SLC1A2: variants seen among roughly 807,000 people sequenced by gnomAD.
The protein encoded by SLC1A2 is excitatory amino acid transporter 2.
Under a neutral mutation model 48.8 loss-of-function variants are expected in SLC1A2, and 15 were observed. That is an observed-to-expected ratio of 0.31 (90% CI 0.21 to 0.47). The LOEUF (loss-of-function observed/expected upper bound fraction) is 0.47, where lower values mean the gene tolerates loss of function less well. Among genes scored for constraint, SLC1A2 ranks in the 20% least tolerant of loss-of-function variants. The pLI is 0.99. For synonymous variants in SLC1A2, 279 were observed against 272.6 expected, an observed-to-expected ratio of 1.02 and a Z score of -0.23; for missense variants, 502 against 730.5, an observed-to-expected ratio of 0.69 and a Z score of 3.61.
At chr11:35,331,231 TTC>T (rs374747758) in intron 1 of SLC1A2, among the ~76,000 whole-genome samples, 2 of 152,188 alleles carry the variant, frequency 1.3e-5, no homozygotes, top group African/African-American at 4.8e-5. Context: ...AGTAACATCT[TTC>T]TCTCTTTAGC....
chr11:35,281,060 C>T (rs1474052401), intron 8 of SLC1A2, 59 bp from the exon 9 acceptor site: 2 of 1,475,208 alleles, frequency 1.4e-6, no homozygotes, highest in Non-Finnish European at 1.8e-6. Flanking sequence ...AAAACCAACC[C>T]TGGCAATTTT....
At chr11:35,313,951 C>T (rs1851788011) in intron 3 of SLC1A2, among the ~76,000 whole-genome samples, 1 of 152,174 alleles carries the variant, frequency 6.6e-6, no homozygotes, top group African/African-American at 2.4e-5. Flanking sequence ...AACAACTTCT[C>T]CAGATCACTT....
At position 35,265,630 on chromosome 11, in the gene SLC1A2, G is replaced by C. The variant is rs372136335; in HGVS notation, c.1550C>G (p.Thr517Ser). ...QHRVHEDIEM[T>S]KTQSIYDDMK... Reference sequence around the variant, plus strand: ...GTCATCATAAATGGATTGAGTCTTGGTCATTTCAATATCTTCATGCACTCG... The same window carrying C: ...GTCATCATAAATGGATTGAGTCTTGCTCATTTCAATATCTTCATGCACTCG... The change falls in exon 10 of 11, where the codon ACC (threonine) becomes AGC (serine). Residue 517 changes from threonine to serine, a missense_variant. By Grantham distance (58) the Thr-to-Ser change is moderately conservative. Coordinates refer to ENST00000278379, the MANE Select transcript of SLC1A2 (RefSeq NM_004171.4). 1 of 1,612,356 alleles carries C rather than the reference G, an allele frequency of 6.2e-7. No homozygotes were observed. Among genetic ancestry groups the C allele is most frequent in the African/African-American group, 1.3e-5 (1 of 74,874 alleles).
chr11:35,388,136 G>C (rs1854643341), intron 1 of SLC1A2, among the ~76,000 whole-genome samples: 1 of 152,172 alleles, frequency 6.6e-6, no homozygotes, highest in Non-Finnish European at 1.5e-5. Context: ...CTCGGGGAAA[G>C]GAAGAAATGG....
chr11:35,260,779 A>G lies in SLC1A2; in HGVS notation c.*115T>C. 1 of 781,560 alleles carries G rather than the reference A, an allele frequency of 1.3e-6. No individual in the cohort carries two copies. 48.4% of individuals were successfully genotyped at this position (781,560 alleles called of 1,614,324 possible). The stretch of plus-strand genomic sequence containing the variant: ...CCTCTAAGCCTCGGCTAACAGATTA[A>G]GTAAACATAGAAATATACGCATTTT... On this transcript the variant is annotated 3_prime_UTR_variant, in exon 11 of 11. Coordinates refer to ENST00000278379, the MANE Select transcript of SLC1A2 (RefSeq NM_004171.4).
intron 1 of SLC1A2, among the ~76,000 whole-genome samples, chr11:35,366,048 G>A (rs141943925): frequency 9.1e-4 from 139 of 152,294 alleles, no homozygotes; most frequent in African/African-American, 3.2e-3. Context: ...TAGTGCTGAG[G>A]TCAAAACACC....
intron 5 of SLC1A2, 80 bp downstream of exon 5, chr11:35,305,994 C>T: frequency 7.5e-7 from 1 of 1,326,626 alleles, no homozygotes; most frequent in East Asian, 2.3e-5. Context: ...ACAGCTGAGT[C>T]ATCAGTTTTC....
intron 8 of SLC1A2, among the ~76,000 whole-genome samples, chr11:35,282,998 C>T (rs566128379): frequency 2.4e-4 from 35 of 146,622 alleles, no homozygotes; most frequent in African/African-American, 8.3e-4. Context: ...CTCTAGGGTT[C>T]CTGGAAGCTG....
chr11:35,392,664 C>G (rs1390117547), intron 1 of SLC1A2, among the ~76,000 whole-genome samples: 1 of 152,184 alleles, frequency 6.6e-6, no homozygotes, highest in East Asian at 1.9e-4. Context: ...ACTCTTTTTC[C>G]CAATGGCAGT....
In SLC1A2 at chr11:35,396,659, T is replaced by C. The variant is rs1157718665; in HGVS notation, c.17+22291A>G. ...TCACTCTGATGGTAGTTTCTTTTGCTGTGCAGAAGCTCTTTATTTTAATTA... is the reference window on the plus strand; with the variant it reads ...TCACTCTGATGGTAGTTTCTTTTGCCGTGCAGAAGCTCTTTATTTTAATTA... On this transcript the variant is annotated intron_variant, in intron 1 of 10. Transcript: ENST00000278379. 2.0e-5 allele frequency among the ~76,000 whole-genome samples: 3 copies of C among 152,346 alleles called. No individual in the cohort carries two copies. In the East Asian group the frequency reaches 5.8e-4, roughly 29 times the overall value.
At chr11:35,284,016 C>CCCATTACGCAG (rs111661232) in intron 8 of SLC1A2, among the ~76,000 whole-genome samples, 30,517 of 146,064 alleles carry the variant, frequency 0.21, 3,379 homozygotes, top group Admixed American at 0.27. Context: ...TGTTATTGTT[C>CCCATTACGCAG]CCATTACGCA....
In SLC1A2 at chr11:35,280,901, C is replaced by T; in HGVS notation, c.1387G>A (p.Asp463Asn). The T allele has an allele frequency of 6.2e-7, 1 of 1,613,086 alleles. No individual in the cohort carries two copies. The highest frequency in any genetic ancestry group is 8.5e-7 in the Non-Finnish European group (1 of 1,179,608). The change falls in exon 9 of 11, where the codon GAC becomes AAC. Residue 463 changes from aspartate (D) to asparagine (N), a missense_variant. Coordinates refer to ENST00000278379, the MANE Select transcript of SLC1A2 (RefSeq NM_004171.4). Reference protein sequence around the residue: ...ILTAVGLPTEDISLLVAVDWL... With the variant: ...ILTAVGLPTENISLLVAVDWL... ...TCCACAGCCACCAGCAGGCTGATGTCCTCTGTTGGCAGGCCCACGGCTGTC... is the reference window on the plus strand; with the variant it reads ...TCCACAGCCACCAGCAGGCTGATGTTCTCTGTTGGCAGGCCCACGGCTGTC...
chr11:35,387,829 AAAAC>A (rs1483117795), intron 1 of SLC1A2, among the ~76,000 whole-genome samples: 2 of 152,236 alleles, frequency 1.3e-5, no homozygotes, highest in Admixed American at 6.5e-5. Flanking sequence ...AAAAAAAACA[AAAAC>A]AAACAAAATC....
intron 9 of SLC1A2, among the ~76,000 whole-genome samples, chr11:35,273,241 G>C (rs1850333878): frequency 6.6e-6 from 1 of 152,156 alleles, no homozygotes; most frequent in South Asian, 2.1e-4. Context: ...GTCACTTGAG[G>C]CCCCAAACCC....
intron 1 of SLC1A2, chr11:35,322,650 G>A (rs577509659): frequency 6.5e-7 from 1 of 1,534,662 alleles, no homozygotes; most frequent in Non-Finnish European, 8.7e-7. Flanking sequence ...GATGTCCAGA[G>A]ATTGCCCTAC....
intron 1 of SLC1A2, among the ~76,000 whole-genome samples, chr11:35,410,017 C>CA (rs1039548269): frequency 1.3e-4 from 19 of 150,082 alleles, no homozygotes; most frequent in South Asian, 4.2e-4. Context: ...AAAGGGCAGA[C>CA]AAAAAAAAAT....
chr11:35,374,394 G>A, intron 1 of SLC1A2: 1 of 581,826 alleles, frequency 1.7e-6, no homozygotes, highest in Non-Finnish European at 3.1e-6. Context: ...GGCCTCCCTA[G>A]ATCTGGTCAC....
intron 1 of SLC1A2, chr11:35,391,568 T>C (rs1854770143): frequency 6.6e-6 from 1 of 152,172 alleles, no homozygotes; most frequent in Admixed American, 6.5e-5. Flanking sequence ...TCTACCACTG[T>C]AGCAGGGAGA....
chr11:35,302,171 A>AT (rs901631823), intron 5 of SLC1A2, among the ~76,000 whole-genome samples: 4 of 152,194 alleles, frequency 2.6e-5, no homozygotes, highest in African/African-American at 9.7e-5. Flanking sequence ...ATGTAAAATT[A>AT]TTTTTTATTA....
Sources: allele counts gnomAD v4.1 joint callset (sites outside exome capture counted in the v4.1 genomes callset), GRCh38; gene constraint gnomAD v4.1.1; transcripts MANE v1.5; gene names NCBI Gene and HGNC (gene_info 2026-07-23, HGNC 2026-07-21).